The following SLC30A4 variants were observed in gnomAD, a reference collection of about 807,000 sequenced individuals.
The protein encoded by SLC30A4 is solute carrier family 30 member 4, also known as probable proton-coupled zinc antiporter SLC30A4.
In SLC30A4, 20 loss-of-function variants were observed where a neutral mutation model predicts 41.7. That is an observed-to-expected ratio of 0.48 (90% CI 0.34 to 0.70). The LOEUF is 0.70. SLC30A4 is among the 30% of genes least tolerant of loss of function. SLC30A4 has a pLI of 0.01. For synonymous variants in SLC30A4, 181 were observed against 195.9 expected, an observed-to-expected ratio of 0.92 and a Z score of 0.64; for missense variants, 441 against 529.3, an observed-to-expected ratio of 0.83 and a Z score of 1.64.
In SLC30A4 at chr15:45,522,230, C is replaced by T. The variant is rs1381696265; in HGVS notation, c.125G>A (p.Arg42Gln). The T allele has an allele frequency of 6.2e-7, 1 of 1,614,218 alleles. No individual in the cohort carries two copies. The change falls in exon 2 of 8, where the codon CGG (arginine) becomes CAG (glutamine). Residue 42 changes from arginine (R) to glutamine (Q), a missense_variant. Coordinates refer to ENST00000261867, the MANE Select transcript of SLC30A4 (RefSeq NM_013309.6). ...SDEAGDEGLS[R>Q]FNKLRVVVAD... is the part of the protein sequence containing the mutation. ...CACCACAACTCGAAGTTTGTTGAAC[C>T]GAGAAAGCCCCTCGTCCCCCGCCTC...
At chr15:45,487,112 A>G (rs1444601084) in intron 6 of SLC30A4, among the ~76,000 whole-genome samples, 1 of 152,190 alleles carries the variant, frequency 6.6e-6, no homozygotes, top group African/African-American at 2.4e-5. Flanking sequence ...CTTACACATA[A>G]TATCAGTAAG....
intron 2 of SLC30A4, 103 bp from the exon 3 acceptor site, chr15:45,511,387 C>T: frequency 1.4e-6 from 1 of 718,112 alleles, no homozygotes; most frequent in Non-Finnish European, 2.2e-6. Flanking sequence ...GAACTTCTAA[C>T]TAAATCTTTA....
intron 2 of SLC30A4, among the ~76,000 whole-genome samples, chr15:45,518,826 G>C (rs1284246037): frequency 1.3e-5 from 2 of 152,084 alleles, no homozygotes; most frequent in Non-Finnish European, 2.9e-5. Flanking sequence ...CCAACGTGCT[G>C]GGATTATAGG....
chr15:45,501,074 G>A (rs1034589579), intron 3 of SLC30A4, among the ~76,000 whole-genome samples: 8 of 151,620 alleles, frequency 5.3e-5, no homozygotes, highest in African/African-American at 1.2e-4. Context: ...TTGGGAGGCC[G>A]AGGCGGGCAG....
chr15:45,488,848 C>T lies in SLC30A4; in HGVS notation c.887G>A (p.Arg296Gln), dbSNP rs780867338. Residue 296 changes from arginine (R) to glutamine (Q), a missense_variant, in exon 5 of 8, where the codon CGA (arginine) becomes CAA (glutamine). Physicochemically the swap from Arg to Gln is conservative, Grantham distance 43 (BLOSUM62 1). This residue lies in a region of SLC30A4 where 29 missense variants were observed against 66.4 expected (regional missense o/e 0.44). Transcript: ENST00000261867. ...AATTACCAATCATATTACCTTGAAT[C>T]GTATGATGTATGCAGCTATTAGCAC... ...VGVLIAAYII[R>Q]FKPEYKIADP... 5.6e-6 allele frequency: 9 copies of T among 1,610,686 alleles called. No homozygotes were observed. The highest frequency in any genetic ancestry group is 1.6e-4 in the Middle Eastern group (1 of 6,082).
intron 2 of SLC30A4, among the ~76,000 whole-genome samples, chr15:45,516,634 C>T (rs940738917): frequency 2.0e-5 from 3 of 151,962 alleles, no homozygotes; most frequent in South Asian, 2.1e-4. Flanking sequence ...TTTGGGAGGC[C>T]GAGGTGGGCG....
At chr15:45,509,083 A>G (rs1892221975) in intron 3 of SLC30A4, among the ~76,000 whole-genome samples, 1 of 152,130 alleles carries the variant, frequency 6.6e-6, no homozygotes, top group South Asian at 2.1e-4. Context: ...TTCCCATTCC[A>G]TGATGATATG....
chr15:45,490,308 T>G (rs888028544), intron 4 of SLC30A4, among the ~76,000 whole-genome samples: 1 of 152,270 alleles, frequency 6.6e-6, no homozygotes. Flanking sequence ...CAGGCTGTCT[T>G]GAACTCTAGA....
At chr15:45,519,404 T>C (rs1423729418) in intron 2 of SLC30A4, 1 of 146,172 alleles carries the variant, frequency 6.8e-6, no homozygotes, top group Non-Finnish European at 1.5e-5. Context: ...CCTGGCTAAT[T>C]TTTTTGTATT....
At chr15:45,487,781 A>G (rs1891732219) in intron 5 of SLC30A4, 149 bp from the exon 6 acceptor site, 1 of 563,366 alleles carries the variant, frequency 1.8e-6, no homozygotes, top group South Asian at 2.3e-5. Context: ...ATTGAAAAGC[A>G]TCTTCACTCT....
At chr15:45,515,546 G>C (rs1455314959) in intron 2 of SLC30A4, among the ~76,000 whole-genome samples, 1 of 151,894 alleles carries the variant, frequency 6.6e-6, no homozygotes, top group Non-Finnish European at 1.5e-5. Flanking sequence ...CCAGCTACTT[G>C]GGAGACTGAG....
chr15:45,496,234 AACTT>A (rs2140824069), intron 3 of SLC30A4, among the ~76,000 whole-genome samples: 1 of 152,300 alleles, frequency 6.6e-6, no homozygotes, highest in South Asian at 2.1e-4. Context: ...AAATAGGACT[AACTT>A]AGGGTTTAAA....
At chr15:45,514,764 C>T (rs1321253070) in intron 2 of SLC30A4, among the ~76,000 whole-genome samples, 2 of 152,130 alleles carry the variant, frequency 1.3e-5, no homozygotes, top group Admixed American at 1.3e-4. Context: ...ATCTGCCCGC[C>T]TTGGCGTCCC....
At chr15:45,499,567 T>C (rs1040603269) in intron 3 of SLC30A4, among the ~76,000 whole-genome samples, 2 of 152,170 alleles carry the variant, frequency 1.3e-5, no homozygotes, top group African/African-American at 4.8e-5. Flanking sequence ...GATAGAAGGA[T>C]AGAGGCAGAA....
intron 3 of SLC30A4, 97 bp downstream of exon 3, chr15:45,511,040 AC>A: frequency 1.1e-6 from 1 of 934,380 alleles, no homozygotes; most frequent in Non-Finnish European, 1.6e-6. Context: ...CTTTGTTCAA[AC>A]AAGATATCAC....
At chr15:45,496,949 C>T (rs1891920313) in intron 3 of SLC30A4, among the ~76,000 whole-genome samples, 1 of 151,710 alleles carries the variant, frequency 6.6e-6, no homozygotes, top group African/African-American at 2.4e-5. Context: ...ATAGCTTGAG[C>T]ACAGGAGGTC....
At chr15:45,513,264 G>GA (rs1892355022) in intron 2 of SLC30A4, among the ~76,000 whole-genome samples, 1 of 147,886 alleles carries the variant, frequency 6.8e-6, no homozygotes, top group South Asian at 2.1e-4. Flanking sequence ...GGAATGCAGT[G>GA]ATGTGATCAT....
At chr15:45,490,569 G>A (rs1401961250) in intron 4 of SLC30A4, among the ~76,000 whole-genome samples, 159 bp downstream of exon 4, 2 of 152,082 alleles carry the variant, frequency 1.3e-5, no homozygotes, top group African/African-American at 4.8e-5. Flanking sequence ...AAACTAATGA[G>A]GAATTTATAA....
intron 3 of SLC30A4, among the ~76,000 whole-genome samples, chr15:45,493,655 A>C (rs1200870968): frequency 6.6e-6 from 1 of 151,862 alleles, no homozygotes. Flanking sequence ...GTGAAACACT[A>C]TCTCTACTAA....
Sources: allele counts gnomAD v4.1 joint callset (sites outside exome capture counted in the v4.1 genomes callset), GRCh38; gene constraint gnomAD v4.1.1; regional missense constraint gnomAD v4.1.1; transcripts MANE v1.5; gene names NCBI Gene and HGNC (gene_info 2026-07-23, HGNC 2026-07-21).